The following SUMF1 variants were observed in gnomAD, a reference collection of about 807,000 sequenced individuals.
The protein encoded by SUMF1 is formylglycine-generating enzyme.
A neutral mutation model predicts 47.6 loss-of-function variants in SUMF1; 48 were observed. The observed-to-expected ratio is 1.01, with a 90% CI of 0.80 to 1.28. The LOEUF (loss-of-function observed/expected upper bound fraction) is 1.28. Among genes scored for constraint, SUMF1 ranks in the 50% most tolerant of loss-of-function variants. The pLI is 0.00. For missense variants in SUMF1, 571 were observed against 485.4 expected (o/e 1.18, Z -1.66); for synonymous variants, 230 against 192.1 (o/e 1.20, Z -1.63).
chr3:4,135,880 T>C (rs1693914227), intron 8 of SUMF1, among the ~76,000 whole-genome samples: 1 of 152,092 alleles, frequency 6.6e-6, no homozygotes, highest in Admixed American at 6.5e-5. Flanking sequence ...TCACAATTGC[T>C]TCAAAGAGAA....
chr3:4,269,664 A>C (rs1156839698), intron 8 of SUMF1, among the ~76,000 whole-genome samples: 1 of 152,200 alleles, frequency 6.6e-6, no homozygotes, highest in Non-Finnish European at 1.5e-5. Flanking sequence ...ATAATCAAAA[A>C]TTCACATTTC....
chr3:4,334,673 A>G (rs1002631352), intron 8 of SUMF1, among the ~76,000 whole-genome samples: 1 of 152,242 alleles, frequency 6.6e-6, no homozygotes, highest in East Asian at 1.9e-4. Flanking sequence ...ACAAGTATCA[A>G]ACCAAGAGGG....
At chr3:4,065,107 C>T (rs945060352) in intron 9 of SUMF1, among the ~76,000 whole-genome samples, 4 of 152,180 alleles carry the variant, frequency 2.6e-5, no homozygotes, top group Admixed American at 6.5e-5. Context: ...GGAAAATCAA[C>T]TCCTGTTTAC....
chr3:4,113,666 A>G (rs1485024895), intron 8 of SUMF1, among the ~76,000 whole-genome samples: 1 of 152,092 alleles, frequency 6.6e-6, no homozygotes, highest in Non-Finnish European at 1.5e-5. Context: ...ATACTAAGAG[A>G]AAATACTAAA....
At chr3:4,124,508 C>A (rs1693612064) in intron 8 of SUMF1, among the ~76,000 whole-genome samples, 1 of 151,862 alleles carries the variant, frequency 6.6e-6, no homozygotes, top group South Asian at 2.1e-4. Flanking sequence ...CAATTTTACA[C>A]AGCAGCAGAT....
At chr3:4,463,485 G>A (rs563651013) in intron 1 of SUMF1, among the ~76,000 whole-genome samples, 25 of 152,142 alleles carry the variant, frequency 1.6e-4, no homozygotes, top group Non-Finnish European at 2.8e-4. Context: ...GCGAGACTCC[G>A]TCTCAAAAAC....
At chr3:4,136,329 C>T (rs1693931299) in intron 8 of SUMF1, among the ~76,000 whole-genome samples, 1 of 152,036 alleles carries the variant, frequency 6.6e-6, no homozygotes. Flanking sequence ...CATCTACAAC[C>T]ATCTGATCTT....
Position 4,222,038 on chromosome 3 carries a change from A to G in SUMF1, c.1015-153293T>C, listed in dbSNP as rs187449030. Among the ~76,000 whole-genome samples the G allele has an allele frequency of 2.3e-3, 357 of 152,222 alleles. 1 individual carries two copies. The highest frequency in any genetic ancestry group is 4.3e-3 in the Non-Finnish European group (294 of 68,008). ...GCTTTTGAAGATTTATTGACAGGAAAATATCATATTGCTAAAAACAAAAGT... is the reference window on the plus strand; with the variant it reads ...GCTTTTGAAGATTTATTGACAGGAAGATATCATATTGCTAAAAACAAAAGT... On this transcript the variant is annotated intron_variant and NMD_transcript_variant, in intron 8 of 12. Coordinates refer to the SUMF1 transcript ENST00000448413.
intron 6 of SUMF1, among the ~76,000 whole-genome samples, chr3:4,415,179 A>G: frequency 6.7e-6 from 1 of 149,148 alleles, no homozygotes; most frequent in African/African-American, 2.5e-5. Context: ...GTGAGCCACG[A>G]TCACGCCACT....
chr3:4,323,040 T>C (rs938616972), intron 8 of SUMF1, among the ~76,000 whole-genome samples: 4 of 152,148 alleles, frequency 2.6e-5, no homozygotes, highest in Non-Finnish European at 5.9e-5. Flanking sequence ...CAGTGAAATA[T>C]TATTTAGCCA....
intron 8 of SUMF1, among the ~76,000 whole-genome samples, chr3:4,282,302 G>A (rs1008395579): frequency 2.0e-5 from 3 of 152,164 alleles, no homozygotes; most frequent in African/African-American, 7.2e-5. Flanking sequence ...AGTTTTACCA[G>A]AAGAAATACC....
chr3:4,358,302 T>C (rs555026096), downstream of SUMF1, among the ~76,000 whole-genome samples: 3 of 152,294 alleles, frequency 2.0e-5, no homozygotes, highest in East Asian at 1.9e-4. Context: ...ATTCCTTCCA[T>C]GCTTCAATGG....
In SUMF1 at chr3:4,434,256, G is replaced by T. The variant is rs573382048; in HGVS notation, c.520-14110C>A. ...CCACTGAATTTTATGCTTAAAAATGGTTAAAATGGTAAATTTTATGTTATG... is the reference window on the plus strand; with the variant it reads ...CCACTGAATTTTATGCTTAAAAATGTTTAAAATGGTAAATTTTATGTTATG... On this transcript the variant is annotated intron_variant, in intron 3 of 8. Transcript: ENST00000272902. Among the ~76,000 whole-genome samples the T allele has an allele frequency of 3.3e-5, 5 of 152,278 alleles. No individual in the cohort carries two copies. The South Asian group carries it at 1.0e-3, about 32-fold the overall frequency.
chr3:4,432,405 T>C (rs1308157379), intron 3 of SUMF1, among the ~76,000 whole-genome samples: 1 of 152,140 alleles, frequency 6.6e-6, no homozygotes, highest in African/African-American at 2.4e-5. Flanking sequence ...CTCTTTAAAA[T>C]GTTAATTAGA....
intron 7 of SUMF1, 151 bp from the exon 8 acceptor site, chr3:4,376,540 G>A (rs1700336304): frequency 5.0e-6 from 4 of 805,762 alleles, no homozygotes; most frequent in African/African-American, 1.7e-5. Flanking sequence ...ATCTGTATTC[G>A]TGGGCTCTCC....
rs530165099 is a variant in SUMF1 at position 4,393,209 on chromosome 3, G to A, written c.955-16820C>T. On this transcript the variant is annotated intron_variant, in intron 7 of 8. Coordinates refer to ENST00000272902, the MANE Select transcript of SUMF1 (RefSeq NM_182760.4). Reference sequence around the variant, plus strand: ...GCAGGATTTCCCAAAATATTCTAACGTGAGTCTGCTTTTTTAGCTGACAAA... The same window carrying A: ...GCAGGATTTCCCAAAATATTCTAACATGAGTCTGCTTTTTTAGCTGACAAA... Among the ~76,000 whole-genome samples, 5 of 152,258 alleles carry A rather than the reference G, an allele frequency of 3.3e-5. No homozygotes were observed. In the South Asian group the frequency reaches 1.0e-3, roughly 32 times the overall value.
chr3:4,187,707 TAG>T (rs1004866344), intron 8 of SUMF1, among the ~76,000 whole-genome samples: 1 of 152,178 alleles, frequency 6.6e-6, no homozygotes, highest in African/African-American at 2.4e-5. Flanking sequence ...AGCATGTGTG[TAG>T]AGGAGTGACT....
intron 8 of SUMF1, among the ~76,000 whole-genome samples, chr3:4,112,149 T>G (rs1693322389): frequency 6.6e-6 from 1 of 152,102 alleles, no homozygotes; most frequent in South Asian, 2.1e-4. Flanking sequence ...CTGTTGTAAA[T>G]TCCAATAAAT....
chr3:4,376,450 G>A (rs1559257109), intron 7 of SUMF1, 61 bp from the exon 8 acceptor site: 1 of 1,555,336 alleles, frequency 6.4e-7, no homozygotes. Context: ...TTACACAGTG[G>A]GAGAGAATCC....
Sources: gnomAD v4.1 joint callset for allele counts (sites outside exome capture counted in the v4.1 genomes callset) on GRCh38, gnomAD v4.1.1 for gene constraint, MANE v1.5 for transcripts, NCBI Gene and HGNC (gene_info 2026-07-23, HGNC 2026-07-21) for gene names.